RBMS3: variants seen among roughly 807,000 people sequenced by gnomAD.
The protein encoded by RBMS3 is RNA binding motif single stranded interacting protein 3, also known as RNA-binding motif, single-stranded-interacting protein 3.
RBMS3 carries 27 observed loss-of-function variants against 66.8 expected under a neutral mutation model. That is an observed-to-expected ratio of 0.40 (90% CI 0.30 to 0.56). The LOEUF (loss-of-function observed/expected upper bound fraction) is 0.56. Among genes scored for constraint, RBMS3 ranks in the 20% least tolerant of loss-of-function variants. The pLI is 0.40. For synonymous variants in RBMS3, 188 were observed against 183.0 expected (o/e 1.03, Z -0.22); for missense variants, 513 against 549.5 (o/e 0.93, Z 0.66).
At chr3:29,664,366 T>A (rs2050672402) in intron 4 of RBMS3, among the ~76,000 whole-genome samples, 1 of 152,106 alleles carries the variant, frequency 6.6e-6, no homozygotes, top group South Asian at 2.1e-4. Context: ...TGTGCGCCTG[T>A]AGTCCCAGCT....
At chr3:29,510,214 A>G (rs2044343134) in intron 3 of RBMS3, among the ~76,000 whole-genome samples, 1 of 152,222 alleles carries the variant, frequency 6.6e-6, no homozygotes, top group Non-Finnish European at 1.5e-5. Context: ...TTCTCAGTAT[A>G]GATTTAAAGA....
intron 13 of RBMS3, 105 bp from the exon 14 acceptor site, chr3:29,990,977 G>C (rs1214004459): frequency 1.9e-6 from 2 of 1,035,166 alleles, no homozygotes; most frequent in Non-Finnish European, 2.9e-6. Context: ...TGTAGCTGAG[G>C]GTATCTCTAC....
chr3:29,978,616 T>G (rs374291551), intron 12 of RBMS3, among the ~76,000 whole-genome samples: 14 of 151,864 alleles, frequency 9.2e-5, no homozygotes, highest in African/African-American at 3.4e-4. Flanking sequence ...GGAAGAAAAT[T>G]AGGTTGTCTG....
At chr3:29,304,885 T>A (rs1391550457) in intron 1 of RBMS3, among the ~76,000 whole-genome samples, 2 of 151,972 alleles carry the variant, frequency 1.3e-5, no homozygotes, top group Non-Finnish European at 2.9e-5. Context: ...GATATGGCTC[T>A]TCACCAACTT....
At chr3:29,458,017 A>T (rs762837959) in intron 2 of RBMS3, among the ~76,000 whole-genome samples, 4 of 152,120 alleles carry the variant, frequency 2.6e-5, no homozygotes, top group Non-Finnish European at 5.9e-5. Flanking sequence ...TTCCTTTAAG[A>T]AGCTCTTCCT....
chr3:29,831,208 AG>A (rs2058361739), intron 6 of RBMS3, among the ~76,000 whole-genome samples: 1 of 152,180 alleles, frequency 6.6e-6, no homozygotes, highest in Non-Finnish European at 1.5e-5. Context: ...CTCTTATTAC[AG>A]GTTGAATAGT....
intron 14 of RBMS3, chr3:29,991,412 A>C: frequency 1.4e-6 from 1 of 715,700 alleles, no homozygotes; most frequent in East Asian, 3.1e-5. Flanking sequence ...GGAATCAAAC[A>C]TCTAGGAACA....
intron 10 of RBMS3, among the ~76,000 whole-genome samples, chr3:29,906,069 A>G (rs182708097): frequency 2.8e-4 from 43 of 152,268 alleles, no homozygotes; most frequent in Middle Eastern, 3.4e-3. Flanking sequence ...CTATACAAGA[A>G]AAAGAACTTT....
intron 1 of RBMS3, among the ~76,000 whole-genome samples, chr3:29,324,600 T>C (rs560308932): frequency 6.7e-6 from 1 of 148,640 alleles, no homozygotes; most frequent in South Asian, 2.1e-4. Context: ...AAGAGTCACT[T>C]CCTTGTTATG....
intron 6 of RBMS3, among the ~76,000 whole-genome samples, chr3:29,828,115 G>A (rs745738354): frequency 5.9e-5 from 9 of 151,934 alleles, no homozygotes; most frequent in Non-Finnish European, 1.0e-4. Context: ...TGGAGGAACA[G>A]CATAGCACAG....
intron 4 of RBMS3, among the ~76,000 whole-genome samples, chr3:29,686,046 C>G (rs1242067038): frequency 6.6e-6 from 1 of 152,200 alleles, no homozygotes; most frequent in Non-Finnish European, 1.5e-5. Context: ...AAGCACTTTA[C>G]TATGGTAAGC....
intron 3 of RBMS3, among the ~76,000 whole-genome samples, chr3:29,568,055 T>C (rs957253707): frequency 6.6e-6 from 1 of 152,228 alleles, no homozygotes; most frequent in Admixed American, 6.5e-5. Context: ...GAGACTTTAA[T>C]TTGATTCTTT....
chr3:29,384,014 G>T (rs1300472675), intron 1 of RBMS3, among the ~76,000 whole-genome samples: 1 of 152,094 alleles, frequency 6.6e-6, no homozygotes, highest in East Asian at 1.9e-4. Flanking sequence ...GTTGGTAATG[G>T]TGAAATTATA....
At chr3:29,775,505 C>T (rs1336582376) in intron 6 of RBMS3, among the ~76,000 whole-genome samples, 4 of 151,924 alleles carry the variant, frequency 2.6e-5, no homozygotes, top group East Asian at 1.9e-4. Flanking sequence ...GAGTAGCATG[C>T]GAATGAGTCT....
chr3:29,670,933 G>T (rs13098124), intron 4 of RBMS3, among the ~76,000 whole-genome samples: 68,735 of 152,078 alleles, frequency 0.45, 16,354 homozygotes, highest in South Asian at 0.56. Flanking sequence ...TGAGATCTGA[G>T]AATGGACAGA....
At chr3:29,346,663 G>A (rs2036597776) in intron 1 of RBMS3, among the ~76,000 whole-genome samples, 1 of 151,814 alleles carries the variant, frequency 6.6e-6, no homozygotes, top group South Asian at 2.1e-4. Flanking sequence ...CTTGGCCTGG[G>A]ATTACAGGCG....
At chr3:29,284,867 T>TTC (rs59367879) in intron 1 of RBMS3, among the ~76,000 whole-genome samples, 5,162 of 133,830 alleles carry the variant, frequency 0.039, 350 homozygotes, top group African/African-American at 0.12. Context: ...TTTTTCTTTT[T>TTC]TTTTTTTTTT....
At chr3:29,302,168 T>C (rs970940287) in intron 1 of RBMS3, among the ~76,000 whole-genome samples, 2 of 151,824 alleles carry the variant, frequency 1.3e-5, no homozygotes, top group African/African-American at 4.8e-5. Flanking sequence ...TGCCACCACA[T>C]TCATCCAATT....
In RBMS3 at chr3:30,010,247, T is replaced by TTTAA. The variant is rs1171956621; in HGVS notation, c.*6388_*6391dup. ...ATTCTAAGGTGTTTCTGGTTTTATT[T>TTTAA]TTAATTTCTTCATCTGTACCACAGT... On this transcript the variant is annotated 3_prime_UTR_variant, in exon 15 of 15. Transcript: ENST00000383767. The TTTAA allele has an allele frequency of 6.6e-6, 1 of 152,224 alleles. No individual in the cohort carries two copies. Among genetic ancestry groups the TTTAA allele is most frequent in the Non-Finnish European group, 1.5e-5 (1 of 68,044 alleles). 9.4% of individuals were successfully genotyped at this position (152,224 alleles called of 1,614,324 possible).
Sources: gnomAD v4.1 joint callset for allele counts (sites outside exome capture counted in the v4.1 genomes callset) on GRCh38, gnomAD v4.1.1 for gene constraint, MANE v1.5 for transcripts, NCBI Gene and HGNC (gene_info 2026-07-23, HGNC 2026-07-21) for gene names.